The following SLC25A21 variants were observed in gnomAD, a reference collection of about 807,000 sequenced individuals.
The protein encoded by SLC25A21 is mitochondrial 2-oxodicarboxylate carrier.
Under a neutral mutation model 43.8 loss-of-function variants are expected in SLC25A21, and 47 were observed. The observed-to-expected ratio is 1.07, with a 90% CI of 0.85 to 1.37. The LOEUF (loss-of-function observed/expected upper bound fraction) is 1.37, where lower values mean the gene tolerates loss of function less well. Among genes scored for constraint, SLC25A21 ranks in the 40% most tolerant of loss-of-function variants. The pLI, the probability that SLC25A21 is intolerant of heterozygous loss-of-function variation, is 0.00. For synonymous variants in SLC25A21, 131 were observed against 121.3 expected, an observed-to-expected ratio of 1.08 and a Z score of -0.52; for missense variants, 352 against 350.2, an observed-to-expected ratio of 1.00 and a Z score of -0.04.
At chr14:36,954,653 A>G (rs1959286270) in intron 1 of SLC25A21, among the ~76,000 whole-genome samples, 1 of 152,148 alleles carries the variant, frequency 6.6e-6, no homozygotes, top group Non-Finnish European at 1.5e-5. Flanking sequence ...TATTTTCAAA[A>G]TCGCTACGAG....
chr14:37,032,529 C>T (rs918319961), intron 1 of SLC25A21, among the ~76,000 whole-genome samples: 3 of 151,936 alleles, frequency 2.0e-5, no homozygotes, highest in Admixed American at 6.6e-5. Context: ...GAGCAAGACA[C>T]TGTCTCAACA....
At chr14:36,805,052 G>C (rs1463892005) in intron 3 of SLC25A21, among the ~76,000 whole-genome samples, 4 of 152,050 alleles carry the variant, frequency 2.6e-5, no homozygotes, top group Non-Finnish European at 5.9e-5. Context: ...CACAAACATG[G>C]GGAATATCTG....
intron 1 of SLC25A21, among the ~76,000 whole-genome samples, chr14:36,883,883 A>G (rs1322085462): frequency 6.6e-6 from 1 of 152,132 alleles, no homozygotes; most frequent in Non-Finnish European, 1.5e-5. Context: ...GTACAATGTG[A>G]TGTTTCATAC....
At chr14:37,083,732 T>C (rs1962431088) in intron 1 of SLC25A21, among the ~76,000 whole-genome samples, 1 of 152,206 alleles carries the variant, frequency 6.6e-6, no homozygotes, top group African/African-American at 2.4e-5. Flanking sequence ...CAGAACCTGC[T>C]GAATCACAGT....
At chr14:36,739,934 C>T (rs1311375467) in intron 3 of SLC25A21, among the ~76,000 whole-genome samples, 2 of 152,058 alleles carry the variant, frequency 1.3e-5, no homozygotes, top group Middle Eastern at 3.2e-3. Flanking sequence ...TGAAACCTAG[C>T]CCAAGAGACA....
At chr14:36,844,937 A>T (rs926034012) in intron 2 of SLC25A21, among the ~76,000 whole-genome samples, 8 of 152,244 alleles carry the variant, frequency 5.3e-5, no homozygotes, top group African/African-American at 1.9e-4. Flanking sequence ...AGAGGCGTAC[A>T]TGAAATGTAA....
intron 1 of SLC25A21, among the ~76,000 whole-genome samples, chr14:36,996,365 G>T (rs75164330): frequency 0.014 from 2,203 of 152,176 alleles, 64 homozygotes; most frequent in African/African-American, 0.051. Flanking sequence ...TATTGCATAT[G>T]GTAACAGAAT....
intron 2 of SLC25A21, among the ~76,000 whole-genome samples, chr14:36,856,190 T>G: frequency 6.6e-6 from 1 of 152,184 alleles, no homozygotes; most frequent in Non-Finnish European, 1.5e-5. Context: ...TCCTCGCTCC[T>G]GAGGCAGGAA....
At chr14:36,899,049 A>T (rs1326933529) in intron 1 of SLC25A21, among the ~76,000 whole-genome samples, 3 of 152,196 alleles carry the variant, frequency 2.0e-5, no homozygotes, top group Non-Finnish European at 4.4e-5. Context: ...TTTACAAAAC[A>T]TCATGTTGTA....
chr14:36,814,351 GA>G (rs1566640482), intron 2 of SLC25A21, among the ~76,000 whole-genome samples: 1 of 137,562 alleles, frequency 7.3e-6, no homozygotes, highest in Non-Finnish European at 1.6e-5. Context: ...AGATGCATAT[GA>G]AAAAAGTCAG....
intron 1 of SLC25A21, among the ~76,000 whole-genome samples, chr14:36,885,241 C>A (rs1890880749): frequency 6.6e-6 from 1 of 152,128 alleles, no homozygotes; most frequent in African/African-American, 2.4e-5. Flanking sequence ...ATTGTATGTT[C>A]CTGGCACCTT....
intron 1 of SLC25A21, among the ~76,000 whole-genome samples, chr14:36,990,413 T>C (rs868348147): frequency 6.6e-6 from 1 of 152,156 alleles, no homozygotes; most frequent in Non-Finnish European, 1.5e-5. Flanking sequence ...ACACATTACA[T>C]GAGACTCTGA....
intron 2 of SLC25A21, among the ~76,000 whole-genome samples, chr14:36,822,200 C>T (rs559613815): frequency 2.7e-4 from 41 of 152,336 alleles, no homozygotes; most frequent in African/African-American, 9.9e-4. Flanking sequence ...GTTGCTTTCA[C>T]ATTCTAGGCC....
At chr14:36,737,311 A>G (rs1278324256) in intron 3 of SLC25A21, among the ~76,000 whole-genome samples, 2 of 152,226 alleles carry the variant, frequency 1.3e-5, no homozygotes, top group Non-Finnish European at 2.9e-5. Context: ...GGAGAGAAGA[A>G]GAGGCAGCTG....
intron 1 of SLC25A21, among the ~76,000 whole-genome samples, chr14:36,965,602 T>C (rs1237314812): frequency 6.6e-6 from 1 of 152,184 alleles, no homozygotes; most frequent in Non-Finnish European, 1.5e-5. Context: ...AAATAAGAAC[T>C]ATAGCATTCT....
chr14:37,134,008 A>ATTAT, intron 1 of SLC25A21, among the ~76,000 whole-genome samples: 1 of 152,162 alleles, frequency 6.6e-6, no homozygotes, highest in Non-Finnish European at 1.5e-5. Context: ...AACTCAATAC[A>ATTAT]GTCAATGTTT....
intron 1 of SLC25A21, among the ~76,000 whole-genome samples, chr14:36,909,434 G>A (rs900206215): frequency 1.3e-5 from 2 of 152,256 alleles, no homozygotes; most frequent in Admixed American, 6.5e-5. Flanking sequence ...AGGACAAATA[G>A]TAAAGCGTAT....
chr14:36,686,898 G>A (rs1882578465), intron 7 of SLC25A21, among the ~76,000 whole-genome samples: 1 of 152,142 alleles, frequency 6.6e-6, no homozygotes, highest in Non-Finnish European at 1.5e-5. Context: ...AAAAGGTTAG[G>A]TCTCCAGGCC....
At chr14:36,910,531 A>G (rs1390048108) in intron 1 of SLC25A21, among the ~76,000 whole-genome samples, 1 of 152,150 alleles carries the variant, frequency 6.6e-6, no homozygotes, top group Admixed American at 6.5e-5. Flanking sequence ...AGTGCCTGGA[A>G]TTGGAAGTGG....
Sources: allele counts gnomAD v4.1 joint callset (sites outside exome capture counted in the v4.1 genomes callset), GRCh38; gene constraint gnomAD v4.1.1; transcripts MANE v1.5; gene names NCBI Gene and HGNC (gene_info 2026-07-23, HGNC 2026-07-21).